Variants in CFAP251 observed in about 807,000 individuals in gnomAD.
CFAP251 encodes cilia- and flagella-associated protein 251.
A neutral mutation model predicts 126.7 loss-of-function variants in CFAP251; 93 were observed. The ratio of observed to expected loss-of-function variants is 0.73; its 90% CI spans 0.62 to 0.87. CFAP251 has a LOEUF of 0.87. CFAP251 is among the 40% of genes least tolerant of loss of function. The pLI is 0.00. For synonymous variants in CFAP251, 503 were observed against 506.9 expected (o/e 0.99, Z 0.10); for missense variants, 1,287 against 1,389.2 (o/e 0.93, Z 1.17).
chr12:121,986,294 G>A lies in CFAP251; in HGVS notation c.3006+10609G>A, dbSNP rs369636941. 1.9e-4 allele frequency among the ~76,000 whole-genome samples: 28 copies of A among 145,214 alleles called. No individual in the cohort carries two copies. The East Asian group carries it at 3.1e-3, about 16-fold the overall frequency. On this transcript the variant is annotated intron_variant, in intron 19 of 21. Coordinates refer to ENST00000288912, the MANE Select transcript of CFAP251 (RefSeq NM_144668.6). ...GGCATGAGCCACCATGGCTGGCCACGAATTTTTTTTTTTTTTTTTTGGAGA... is the reference window on the plus strand; with the variant it reads ...GGCATGAGCCACCATGGCTGGCCACAAATTTTTTTTTTTTTTTTTTGGAGA...
At chr12:121,920,708 T>A (rs1467458148) in intron 1 of CFAP251, among the ~76,000 whole-genome samples, 1 of 151,816 alleles carries the variant, frequency 6.6e-6, no homozygotes, top group Non-Finnish European at 1.5e-5. Flanking sequence ...CTTTTTGTAT[T>A]TTTAGTAGAG....
At chr12:121,938,920 G>A (rs954113177) in intron 5 of CFAP251, among the ~76,000 whole-genome samples, 1 of 151,926 alleles carries the variant, frequency 6.6e-6, no homozygotes, top group African/African-American at 2.4e-5. Context: ...CCAGGCGGCG[G>A]AGGTTGCAGT....
chr12:121,976,305 G>A (rs762395716), intron 19 of CFAP251, among the ~76,000 whole-genome samples: 3 of 152,054 alleles, frequency 2.0e-5, no homozygotes, highest in Non-Finnish European at 4.4e-5. Context: ...GACCACTCCC[G>A]GCCAGCCTTA....
At position 121,948,852 on chromosome 12, in the gene CFAP251, G is replaced by C. The variant is rs1630699; in HGVS notation, c.1192-132G>C. Reference sequence around the variant, plus strand: ...AAATGATATTCCTATTTTTTTTTACGAAATGCGGTATCTTTTCTGTTTTAT... The same window carrying C: ...AAATGATATTCCTATTTTTTTTTACCAAATGCGGTATCTTTTCTGTTTTAT... On this transcript the variant is annotated intron_variant, in intron 7 of 21. Coordinates refer to ENST00000288912, the MANE Select transcript of CFAP251 (RefSeq NM_144668.6). 363,226 of 521,708 alleles carry C rather than the reference G, an allele frequency of 0.7. 132,635 individuals are homozygous for C. Among genetic ancestry groups the C allele is most frequent in the Non-Finnish European group, 0.78 (235,741 of 302,244 alleles). 32.3% of individuals were successfully genotyped at this position (521,708 alleles called of 1,614,324 possible).
chr12:121,929,958 G>A (rs541307683), intron 3 of CFAP251, among the ~76,000 whole-genome samples: 3 of 151,862 alleles, frequency 2.0e-5, no homozygotes, highest in African/African-American at 7.3e-5. Flanking sequence ...GATTACAGGC[G>A]TGAGCCACTG....
chr12:121,975,623 AT>A lies in CFAP251; in HGVS notation c.2947del (p.Cys983AlafsTer9), dbSNP rs1565919295. The A allele has an allele frequency of 1.2e-6, 2 of 1,602,342 alleles. No homozygotes were observed. ...GGAGACCAGAAAGGTGTCAGAACAC[AT>A]TTGCCTGTCAGAGCTTCCTTTTGTC... ...TMETRKVSEH[I>X]CLSELPFVMR... On this transcript the variant is annotated frameshift_variant, in exon 19 of 22. Coordinates refer to ENST00000288912, the MANE Select transcript of CFAP251 (RefSeq NM_144668.6). LOFTEE classifies it high-confidence loss of function.
intron 5 of CFAP251, among the ~76,000 whole-genome samples, chr12:121,940,271 T>C (rs1881056905): frequency 2.0e-5 from 3 of 152,234 alleles, no homozygotes; most frequent in Admixed American, 2.0e-4. Flanking sequence ...TCATCTTCTC[T>C]ATATTCAATT....
rs1412227232 is a variant in CFAP251 at position 121,972,994 on chromosome 12, A to G, written c.2772-2250A>G. On this transcript the variant is annotated intron_variant, in intron 17 of 21. Coordinates refer to ENST00000288912, the MANE Select transcript of CFAP251 (RefSeq NM_144668.6). ...CTATGTAACCAATAGCTGAATGTTA[A>G]TCTGCAAGACAATGGGGAAAATGTC... 3.9e-5 allele frequency among the ~76,000 whole-genome samples: 6 copies of G among 152,270 alleles called. No individual in the cohort carries two copies. The East Asian group carries it at 1.2e-3, about 29-fold the overall frequency.
At position 121,958,946 on chromosome 12, in the gene CFAP251, C is replaced by G. The variant is rs538714102; in HGVS notation, c.1985C>G (p.Ala662Gly). The part of the protein sequence containing the change: ...VQSLTYNPEG[A>G]LLGAGFTEGT... ...GTTCTCTGGCTTGTCATTTCAGGAG[C>G]CCTTCTTGGAGCTGGCTTTACAGAG... The change falls in exon 13 of 22, where the codon GCC becomes GGC. Residue 662 changes from alanine to glycine, a missense_variant. Coordinates refer to ENST00000288912, the MANE Select transcript of CFAP251 (RefSeq NM_144668.6). 2.3e-5 allele frequency: 36 copies of G among 1,581,218 alleles called. 1 individual carries two copies. The South Asian group carries it at 4.0e-4, about 18-fold the overall frequency.
At chr12:121,962,216 CA>C (rs1881964830) in intron 15 of CFAP251, 54 bp downstream of exon 15, 1 of 1,553,166 alleles carries the variant, frequency 6.4e-7, no homozygotes, top group African/African-American at 1.4e-5. Flanking sequence ...TCTCTGCCCC[CA>C]ACCTGTTTCA....
intron 7 of CFAP251, among the ~76,000 whole-genome samples, chr12:121,947,514 G>A (rs1881366506): frequency 6.6e-6 from 1 of 151,868 alleles, no homozygotes; most frequent in Non-Finnish European, 1.5e-5. Context: ...TGCCCAGGCT[G>A]GTCTTGAACT....
At chr12:121,941,735 T>G (rs1881124434) in intron 5 of CFAP251, among the ~76,000 whole-genome samples, 3 of 152,190 alleles carry the variant, frequency 2.0e-5, no homozygotes, top group Non-Finnish European at 4.4e-5. Context: ...ATTAGAGCAG[T>G]ACCATGATGA....
At chr12:121,990,573 T>G (rs908759099) in intron 19 of CFAP251, among the ~76,000 whole-genome samples, 4 of 152,186 alleles carry the variant, frequency 2.6e-5, no homozygotes, top group Non-Finnish European at 5.9e-5. Context: ...GGCTCTGCAG[T>G]AGGCCCACCT....
chr12:121,968,535 T>C (rs1360586856), intron 17 of CFAP251, among the ~76,000 whole-genome samples: 1 of 131,348 alleles, frequency 7.6e-6, no homozygotes, highest in Non-Finnish European at 1.9e-5. Flanking sequence ...TTTCGGCTCC[T>C]CTTCTCACCC....
In CFAP251 at chr12:121,978,310, C is replaced by T. The variant is rs1045472655; in HGVS notation, c.3006+2625C>T. Among the ~76,000 whole-genome samples, 6 of 138,856 alleles carry T rather than the reference C, an allele frequency of 4.3e-5. No homozygotes were observed. In the South Asian group the frequency reaches 7.1e-4, roughly 17 times the overall value. The allele number at this position is 138,856 out of a possible 152,430, so 91.1% of individuals were successfully genotyped here. A position where few individuals can be genotyped will look rare whatever the true frequency, so the allele number is the denominator to read the frequency against. On this transcript the variant is annotated intron_variant, in intron 19 of 21. Coordinates refer to ENST00000288912, the MANE Select transcript of CFAP251 (RefSeq NM_144668.6). The stretch of plus-strand genomic sequence containing the variant: ...TCAGGAGGCTGAGGCAGGAGAATGG[C>T]GTGAACCCGGGAGGCGGAGCTTACA...
In CFAP251 at chr12:121,953,353, C is replaced by G. The variant is rs1881600016; in HGVS notation, c.1321-767C>G. ...GGAGCATTGCCCTGCCTGCCCTCAA[C>G]TGGAAATGTGCATGTTGAGTGAGTA... On this transcript the variant is annotated intron_variant, in intron 9 of 21. Transcript: ENST00000288912. 3 of 152,364 alleles carry G rather than the reference C, an allele frequency of 2.0e-5. No individual in the cohort carries two copies. The South Asian group carries it at 6.2e-4, about 32-fold the overall frequency. 9.4% of individuals were successfully genotyped at this position (152,364 alleles called of 1,614,324 possible).
chr12:121,996,381 T>C (rs1274325207), intron 19 of CFAP251, among the ~76,000 whole-genome samples: 3 of 152,352 alleles, frequency 2.0e-5, no homozygotes, highest in African/African-American at 7.2e-5. Context: ...GCCCTTTCAC[T>C]GGTATAATTG....
chr12:121,942,155 T>C (rs1470309753), intron 5 of CFAP251, among the ~76,000 whole-genome samples: 2 of 152,118 alleles, frequency 1.3e-5, no homozygotes, highest in Non-Finnish European at 2.9e-5. Flanking sequence ...TTCGGTGACA[T>C]TTAATACATT....
chr12:121,977,848 A>G (rs1461336589), intron 19 of CFAP251, among the ~76,000 whole-genome samples: 2 of 150,582 alleles, frequency 1.3e-5, no homozygotes, highest in African/African-American at 4.9e-5. Flanking sequence ...AGTCCCAGCT[A>G]TTCAGGAGGC....
Sources: allele counts gnomAD v4.1 joint callset (sites outside exome capture counted in the v4.1 genomes callset), GRCh38; gene constraint gnomAD v4.1.1; transcripts MANE v1.5; gene names NCBI Gene and HGNC (gene_info 2026-07-23, HGNC 2026-07-21).